AGTPBP1: variants seen among roughly 807,000 people sequenced by gnomAD.
The protein encoded by AGTPBP1 is cytosolic carboxypeptidase 1.
AGTPBP1 carries 70 observed loss-of-function variants against 143.9 expected under a neutral mutation model. The observed-to-expected ratio is 0.49, with a 90% confidence interval of 0.40 to 0.59. AGTPBP1 has a LOEUF of 0.59. AGTPBP1 is among the 20% of genes least tolerant of loss of function. AGTPBP1 has a pLI of 0.00. For synonymous variants in AGTPBP1, 463 were observed against 500.2 expected, an observed-to-expected ratio of 0.93 and a Z score of 0.99; for missense variants, 1,229 against 1,464.5, an observed-to-expected ratio of 0.84 and a Z score of 2.62.
intron 17 of AGTPBP1, among the ~76,000 whole-genome samples, chr9:85,611,822 A>G (rs918651353): frequency 6.6e-6 from 1 of 152,174 alleles, no homozygotes. Flanking sequence ...CTGGGATTAC[A>G]GGTGTGTGCC....
the AGTPBP1 span, chr9:85,774,164 G>A: frequency 2.9e-6 from 2 of 693,654 alleles, no homozygotes; most frequent in Non-Finnish European, 2.5e-6. Flanking sequence ...CAAGTTTTTG[G>A]GCTTTACATG....
At chr9:85,755,852 A>G in the AGTPBP1 span, among the ~76,000 whole-genome samples, 1 of 152,288 alleles carries the variant, frequency 6.6e-6, no homozygotes, top group South Asian at 2.1e-4. Context: ...ACTGTTTAAC[A>G]TATCTGGGGG....
chr9:85,738,885 C>T (rs1459644272), intron 1 of AGTPBP1, among the ~76,000 whole-genome samples: 1 of 151,970 alleles, frequency 6.6e-6, no homozygotes, highest in East Asian at 1.9e-4. Flanking sequence ...TACTAGATCC[C>T]TTTGAAGACT....
intron 1 of AGTPBP1, 30 bp downstream of exon 1, chr9:85,741,745 G>C: frequency 7.8e-7 from 1 of 1,290,030 alleles, no homozygotes; most frequent in Non-Finnish European, 9.8e-7. Flanking sequence ...ACGGCCGGCC[G>C]GGACATGAGG....
the AGTPBP1 span, chr9:85,781,420 G>A: frequency 7.1e-7 from 1 of 1,408,864 alleles, no homozygotes; most frequent in Non-Finnish European, 9.4e-7. Flanking sequence ...ATTTGGTGAA[G>A]TCATGCCAGC....
intron 8 of AGTPBP1, 92 bp from the exon 9 acceptor site, chr9:85,661,065 T>C (rs1317864728): frequency 4.6e-6 from 5 of 1,098,256 alleles, no homozygotes; most frequent in East Asian, 2.7e-5. Flanking sequence ...AATAAGTCAT[T>C]ATTCTATTAT....
chr9:85,673,357 A>G (rs1834613879), intron 6 of AGTPBP1, among the ~76,000 whole-genome samples: 1 of 152,144 alleles, frequency 6.6e-6, no homozygotes, highest in African/African-American at 2.4e-5. Context: ...GAACACCAAC[A>G]CAGAGTTAAA....
chr9:85,748,815 A>G, the AGTPBP1 span, among the ~76,000 whole-genome samples: 1 of 152,126 alleles, frequency 6.6e-6, no homozygotes, highest in Admixed American at 6.5e-5. Flanking sequence ...CAGCCTGTTC[A>G]GTGTTGTGGT....
the AGTPBP1 span, among the ~76,000 whole-genome samples, chr9:85,767,180 C>CTT: frequency 0.014 from 1,636 of 116,430 alleles, 86 homozygotes; most frequent in African/African-American, 0.043. Context: ...TGAGAACATA[C>CTT]TTTTTTTTTT....
intron 2 of AGTPBP1, among the ~76,000 whole-genome samples, chr9:85,699,222 G>A (rs961268157): frequency 2.6e-5 from 4 of 152,000 alleles, no homozygotes; most frequent in Non-Finnish European, 4.4e-5. Flanking sequence ...GGGCTCAAGC[G>A]ATCCTCCCAC....
In AGTPBP1 at chr9:85,696,780, G is replaced by A. The variant is rs1587924006; in HGVS notation, c.33-3967C>T. ...CAAAATCAGATGTGGATAAAAGTAA[G>A]TGTAAGATAGACCAACGGATTTTAA... On this transcript the variant is annotated intron_variant, in intron 2 of 25. Transcript: ENST00000357081. Among the ~76,000 whole-genome samples the A allele has an allele frequency of 3.3e-5, 5 of 152,180 alleles. No homozygotes were observed. In the South Asian group the frequency reaches 1.0e-3, roughly 31 times the overall value.
At chr9:85,569,526 A>G (rs1354070124) in intron 25 of AGTPBP1, among the ~76,000 whole-genome samples, 1 of 152,228 alleles carries the variant, frequency 6.6e-6, no homozygotes, top group Non-Finnish European at 1.5e-5. Flanking sequence ...ATCTGAAATT[A>G]TAAAGCTGGC....
intron 24 of AGTPBP1, among the ~76,000 whole-genome samples, chr9:85,577,117 T>G (rs888956270): frequency 6.6e-6 from 1 of 152,088 alleles, no homozygotes; most frequent in Non-Finnish European, 1.5e-5. Context: ...TCGAAAAAAA[T>G]TTTTAAATTC....
At chr9:85,768,714 G>A in the AGTPBP1 span, among the ~76,000 whole-genome samples, 6 of 151,998 alleles carry the variant, frequency 3.9e-5, no homozygotes, top group Admixed American at 3.3e-4. Flanking sequence ...CAGAGAAATA[G>A]AATGGCTGGT....
the AGTPBP1 span, among the ~76,000 whole-genome samples, chr9:85,748,539 T>C: frequency 1.2e-3 from 182 of 152,312 alleles, no homozygotes; most frequent in Non-Finnish European, 2.4e-3. Context: ...TCTTCCTTAC[T>C]TACCTTTCCA....
chr9:85,665,847 A>T (rs1186569090), intron 8 of AGTPBP1, among the ~76,000 whole-genome samples: 1 of 152,140 alleles, frequency 6.6e-6, no homozygotes, highest in Non-Finnish European at 1.5e-5. Context: ...GTGCAAAGTC[A>T]TTTGTAAATT....
Position 85,585,610 on chromosome 9 carries a change from T to C in AGTPBP1, c.3034-16A>G. 6.4e-7 allele frequency: 1 copy of C among 1,560,738 alleles called. No individual in the cohort carries two copies. Among genetic ancestry groups the C allele is most frequent in the Non-Finnish European group, 8.6e-7 (1 of 1,157,692 alleles). On this transcript the variant is annotated splice_polypyrimidine_tract_variant and intron_variant, in intron 22 of 25. Transcript: ENST00000357081. ...CACAATAAACCTTGAAAATATATAT[T>C]TTAAAAATTAAAAGACTTCAAGTTC...
chr9:85,693,190 T>A (rs1214679130), intron 2 of AGTPBP1, among the ~76,000 whole-genome samples: 1 of 152,202 alleles, frequency 6.6e-6, no homozygotes, highest in Non-Finnish European at 1.5e-5. Context: ...GTTAGTGCCC[T>A]GCTTCATAAC....
At chr9:85,785,353 A>G in the AGTPBP1 span, among the ~76,000 whole-genome samples, 1 of 149,860 alleles carries the variant, frequency 6.7e-6, no homozygotes, top group African/African-American at 2.5e-5. Context: ...CAAACAAAAA[A>G]CTTTTGTCTT....
Sources: allele counts gnomAD v4.1 joint callset (sites outside exome capture counted in the v4.1 genomes callset), GRCh38; gene constraint gnomAD v4.1.1; transcripts MANE v1.5; gene names NCBI Gene and HGNC (gene_info 2026-07-23, HGNC 2026-07-21).